Variants in CARMIL1 observed in about 807,000 individuals in gnomAD.
CARMIL1 encodes capping protein regulator and myosin 1 linker 1.
CARMIL1 carries 90 observed loss-of-function variants against 177.1 expected under a neutral mutation model. The ratio of observed to expected loss-of-function variants is 0.51; its 90% confidence interval spans 0.43 to 0.61. The LOEUF is 0.61. Among genes scored for constraint, CARMIL1 ranks in the 20% least tolerant of loss-of-function variants. The pLI, the probability that CARMIL1 is intolerant of heterozygous loss-of-function variation, is 0.00. For synonymous variants in CARMIL1, 577 were observed against 606.2 expected (o/e 0.95, Z 0.71); for missense variants, 1,380 against 1,667.0 (o/e 0.83, Z 3.00).
intron 2 of CARMIL1, among the ~76,000 whole-genome samples, chr6:25,370,360 G>A (rs372944354): frequency 2.0e-5 from 3 of 152,288 alleles, no homozygotes; most frequent in East Asian, 1.9e-4. Flanking sequence ...ACAGCGCCAA[G>A]CATCTGCAAG....
chr6:25,468,144 T>C (rs563087940), intron 9 of CARMIL1, among the ~76,000 whole-genome samples: 1 of 152,228 alleles, frequency 6.6e-6, no homozygotes, highest in Non-Finnish European at 1.5e-5. Flanking sequence ...TATGACTTTA[T>C]GTTGATCTTA....
At chr6:25,507,626 T>C (rs1805040611) in intron 17 of CARMIL1, 1 of 152,584 alleles carries the variant, frequency 6.6e-6, no homozygotes, top group Admixed American at 6.5e-5. Context: ...ATTTAAATGT[T>C]ACCTATATTT....
At chr6:25,336,542 A>T (rs1331549199) in intron 2 of CARMIL1, among the ~76,000 whole-genome samples, 1 of 152,162 alleles carries the variant, frequency 6.6e-6, no homozygotes, top group African/African-American at 2.4e-5. Context: ...TCTCATCTCT[A>T]ATTAATAGTA....
chr6:25,479,230 TTC>T (rs1424398735), intron 11 of CARMIL1: 1 of 518,994 alleles, frequency 1.9e-6, no homozygotes, highest in East Asian at 5.4e-5. Context: ...CTATTCTGAC[TTC>T]TCTCATGATG....
At position 25,308,063 on chromosome 6, in the gene CARMIL1, G is replaced by A. The variant is rs145999691; in HGVS notation, c.138+23154G>A. 7.6e-4 allele frequency among the ~76,000 whole-genome samples: 115 copies of A among 152,308 alleles called. 1 individual carries two copies. Among genetic ancestry groups the A allele is most frequent in the African/African-American group, 2.6e-3 (107 of 41,582 alleles). On this transcript the variant is annotated intron_variant, in intron 2 of 36. Coordinates refer to ENST00000329474, the MANE Select transcript of CARMIL1 (RefSeq NM_017640.6). Reference sequence around the variant, plus strand: ...TTAGGCTAAAAAATGGCTGTGTGCAGATTAGGCTACATATTTCACATGGAT... The same window carrying A: ...TTAGGCTAAAAAATGGCTGTGTGCAAATTAGGCTACATATTTCACATGGAT...
At chr6:25,380,697 G>T (rs1421260689) in intron 2 of CARMIL1, among the ~76,000 whole-genome samples, 1 of 152,102 alleles carries the variant, frequency 6.6e-6, no homozygotes, top group Non-Finnish European at 1.5e-5. Context: ...CTAAGGACTT[G>T]GTTCACAACA....
intron 2 of CARMIL1, among the ~76,000 whole-genome samples, chr6:25,376,339 C>G (rs1790977857): frequency 6.6e-6 from 1 of 152,200 alleles, no homozygotes; most frequent in African/African-American, 2.4e-5. Flanking sequence ...CTCAGCCTCC[C>G]AAAGTGCTGG....
At chr6:25,477,968 C>T (rs921331661) in intron 11 of CARMIL1, among the ~76,000 whole-genome samples, 1 of 151,374 alleles carries the variant, frequency 6.6e-6, no homozygotes, top group African/African-American at 2.4e-5. Context: ...CCATCCTCCC[C>T]ACTCAGTCTC....
rs9461180 is a variant in CARMIL1 at position 25,485,800 on chromosome 6, T to A, written c.962-2682T>A. ...ATGTTTGTTTATTTATTTATTTTTT[T>A]AAATTGACTTCTTGAAGTATTTTAC... On this transcript the variant is annotated intron_variant, in intron 12 of 36. Transcript: ENST00000329474. 6.1e-3 allele frequency among the ~76,000 whole-genome samples: 931 copies of A among 152,318 alleles called. 7 individuals are homozygous for A. Among genetic ancestry groups the A allele is most frequent in the African/African-American group, 0.021 (875 of 41,566 alleles).
chr6:25,406,562 T>G (rs1465112594), intron 2 of CARMIL1, among the ~76,000 whole-genome samples: 3 of 152,156 alleles, frequency 2.0e-5, no homozygotes, highest in Non-Finnish European at 4.4e-5. Flanking sequence ...GGGTGGTGGC[T>G]TGGAATAGTA....
chr6:25,491,575 G>A (rs747428926), intron 13 of CARMIL1, among the ~76,000 whole-genome samples, 157 bp from the exon 14 acceptor site: 1 of 152,126 alleles, frequency 6.6e-6, no homozygotes, highest in Non-Finnish European at 1.5e-5. Flanking sequence ...CACTGTCAGG[G>A]AACCTAAAGG....
At chr6:25,314,544 A>ACACATACATATATATGTATGTATACATT (rs1784122193) in intron 2 of CARMIL1, among the ~76,000 whole-genome samples, 2 of 105,424 alleles carry the variant, frequency 1.9e-5, no homozygotes, top group East Asian at 5.0e-4. Context: ...ACGTATACAT[A>ACACATACATATATATGTATGTATACATT]CACATACATA....
intron 2 of CARMIL1, among the ~76,000 whole-genome samples, chr6:25,370,616 G>A (rs926307290): frequency 1.6e-4 from 25 of 152,318 alleles, no homozygotes; most frequent in Middle Eastern, 3.4e-3. Context: ...TGTGTGGGAT[G>A]ATAGAGTAGC....
At chr6:25,385,860 A>G (rs12525031) in intron 2 of CARMIL1, among the ~76,000 whole-genome samples, 6,022 of 152,308 alleles carry the variant, frequency 0.04, 437 homozygotes, top group East Asian at 0.28. Flanking sequence ...GCTCATTAGC[A>G]CCTCAAAGAA....
chr6:25,606,450 C>T (rs742131), intron 35 of CARMIL1, among the ~76,000 whole-genome samples, 177 bp downstream of exon 35: 61,342 of 151,938 alleles, frequency 0.4, 12,736 homozygotes, highest in Non-Finnish European at 0.46. Context: ...CTGACGGATT[C>T]TTTTATTTAA....
chr6:25,392,935 T>TC (rs1046921022), intron 2 of CARMIL1, among the ~76,000 whole-genome samples: 11 of 152,124 alleles, frequency 7.2e-5, no homozygotes, highest in Admixed American at 5.9e-4. Flanking sequence ...CCTCCTTTTT[T>TC]CCCTCCCTTC....
At chr6:25,450,309 A>G in intron 6 of CARMIL1, 30 bp from the exon 7 acceptor site, 1 of 1,524,894 alleles carries the variant, frequency 6.6e-7, no homozygotes, top group East Asian at 2.3e-5. Flanking sequence ...TTTGCCAAAG[A>G]CCTGTCAGTG....
chr6:25,336,908 CAG>C lies in CARMIL1; in HGVS notation c.138+52002_138+52003del, dbSNP rs1258776297. Among the ~76,000 whole-genome samples, 5 of 152,308 alleles carry C rather than the reference CAG, an allele frequency of 3.3e-5. No individual in the cohort carries two copies. In the East Asian group the frequency reaches 9.6e-4, roughly 29 times the overall value. ...GTATCTGTAAACTTTATATTTTCCTCAGAGTCACAAGCCGTTTGGAATTTCAT... is the reference window on the plus strand; with the variant it reads ...GTATCTGTAAACTTTATATTTTCCTCAGTCACAAGCCGTTTGGAATTTCAT... On this transcript the variant is annotated intron_variant, in intron 2 of 36. Transcript: ENST00000329474.
At chr6:25,365,096 T>TA (rs1789635900) in intron 2 of CARMIL1, among the ~76,000 whole-genome samples, 1 of 152,208 alleles carries the variant, frequency 6.6e-6, no homozygotes, top group Non-Finnish European at 1.5e-5. Context: ...TCTTAAATTT[T>TA]AAAAAAGAAG....
Sources: allele counts gnomAD v4.1 joint callset (sites outside exome capture counted in the v4.1 genomes callset), GRCh38; gene constraint gnomAD v4.1.1; transcripts MANE v1.5; gene names NCBI Gene and HGNC (gene_info 2026-07-23, HGNC 2026-07-21).